Variants in RABGAP1 observed in about 807,000 individuals in gnomAD.
RABGAP1 encodes the protein rab GTPase-activating protein 1.
RABGAP1 carries 23 observed loss-of-function variants against 137.6 expected under a neutral mutation model. The ratio of observed to expected loss-of-function variants is 0.17; its 90% CI spans 0.12 to 0.24. RABGAP1 has a LOEUF of 0.24. Ranked by LOEUF, RABGAP1 falls within the 10% of genes least tolerant of loss-of-function variation. The pLI is 1.00. For synonymous variants in RABGAP1, 451 were observed against 450.7 expected (o/e 1.00, Z -0.01); for missense variants, 906 against 1,275.8 (o/e 0.71, Z 4.42).
rs2035404702 is a variant in RABGAP1, at chr9:123,103,582, A to AATAT, written c.*371_*374dup. ...TTTTTTTTCTAAACCTTTTTTTTTT[A>AATAT]ATATACATATATATATATATATATA... On this transcript the variant is annotated 3_prime_UTR_variant, in exon 26 of 26. Transcript: ENST00000373647. 5.2e-5 allele frequency: 2 copies of AATAT among 38,108 alleles called. No individual in the cohort carries two copies. The highest frequency in any genetic ancestry group is 1.0e-3 in the East Asian group (1 of 990). The allele number at this position is 38,108 out of a possible 1,614,324, so 2.4% of individuals were successfully genotyped here.
intron 23 of RABGAP1, among the ~76,000 whole-genome samples, chr9:123,099,015 C>G (rs2035266151): frequency 6.6e-6 from 1 of 152,104 alleles, no homozygotes; most frequent in South Asian, 2.1e-4. Flanking sequence ...TTTAAAAAGA[C>G]CATGTTTGTA....
intron 13 of RABGAP1, among the ~76,000 whole-genome samples, chr9:123,059,890 C>T (rs939480797): frequency 5.3e-5 from 8 of 152,242 alleles, no homozygotes; most frequent in Admixed American, 2.6e-4. Context: ...TAGCCCAAAG[C>T]GACTAAGACA....
In RABGAP1 at chr9:123,020,435, G is replaced by C. The variant is rs751132702; in HGVS notation, c.1770G>C (p.Glu590Asp). 2 of 1,600,938 alleles carry C rather than the reference G, an allele frequency of 1.2e-6. No individual in the cohort carries two copies. Among genetic ancestry groups the C allele is most frequent in the Non-Finnish European group, 1.7e-6 (2 of 1,173,308 alleles). ...AGCHNNDHLV[E>D]KYRILITKES... is the part of the protein sequence containing the mutation. ...GTCATAACAATGACCACCTGGTAGA[G>C]AAATACCGCATTCTTATCACAAAGG... Residue 590 changes from glutamate to aspartate, a missense_variant, in exon 13 of 26, where the codon GAG (glutamate) becomes GAC (aspartate). Glu to Asp is a conservative substitution (Grantham distance 45). Coordinates refer to ENST00000373647, the MANE Select transcript of RABGAP1 (RefSeq NM_012197.4).
At chr9:123,059,423 C>G (rs376102219) in intron 13 of RABGAP1, among the ~76,000 whole-genome samples, 285 of 152,110 alleles carry the variant, frequency 1.9e-3, no homozygotes, top group African/African-American at 6.1e-3. Context: ...GGCGTGGTGG[C>G]GGGCACCTGT....
chr9:122,996,963 A>G, intron 8 of RABGAP1: 1 of 542,968 alleles, frequency 1.8e-6, no homozygotes. Flanking sequence ...GAAAATCTTT[A>G]TTTTCAAAAC....
At chr9:122,940,110 T>G (rs979115765), upstream of RABGAP1, 2 of 151,948 alleles carry the variant, frequency 1.3e-5, no homozygotes, top group African/African-American at 4.8e-5. Flanking sequence ...GAGGGTGGAG[T>G]GTGATATGAT....
intron 7 of RABGAP1, 157 bp from the exon 8 acceptor site, chr9:122,996,382 C>A: frequency 9.3e-7 from 1 of 1,072,996 alleles, no homozygotes; most frequent in Non-Finnish European, 1.3e-6. Context: ...ATTAGCTGAC[C>A]TTGAAGGAAG....
chr9:122,959,364 CAAA>C (rs33932737), intron 2 of RABGAP1, among the ~76,000 whole-genome samples: 11 of 107,746 alleles, frequency 1.0e-4, no homozygotes, highest in African/African-American at 3.0e-4. Flanking sequence ...TGGGGCTTTA[CAAA>C]AAAAAAAAAA....
chr9:122,965,522 T>C (rs1490689448), intron 2 of RABGAP1, among the ~76,000 whole-genome samples: 1 of 152,188 alleles, frequency 6.6e-6, no homozygotes, highest in African/African-American at 2.4e-5. Flanking sequence ...TAGCTGGGAT[T>C]ACAGGCATGC....
At position 123,088,935 on chromosome 9, in the gene RABGAP1, A is replaced by C. The variant is rs79270587; in HGVS notation, c.2425-823A>C. 2.3e-4 allele frequency among the ~76,000 whole-genome samples: 35 copies of C among 152,318 alleles called. No homozygotes were observed. The East Asian group carries it at 6.8e-3, about 29-fold the overall frequency. ...AGACCACTGGACAGAGGAAAAAGAC[A>C]CCACTGGTGACCTTCAAGAGGGTTC... On this transcript the variant is annotated intron_variant, in intron 19 of 25. Transcript: ENST00000373647.
At chr9:122,935,788 T>C in the RABGAP1 span, among the ~76,000 whole-genome samples, 2 of 152,242 alleles carry the variant, frequency 1.3e-5, no homozygotes, top group Admixed American at 1.3e-4. Flanking sequence ...TTTGAGTTAC[T>C]ATTGAGTGTA....
chr9:123,020,503 A>T, intron 13 of RABGAP1, 44 bp downstream of exon 13: 2 of 1,431,972 alleles, frequency 1.4e-6, no homozygotes, highest in Non-Finnish European at 1.9e-6. Flanking sequence ...CCTTTTAGAG[A>T]TTTGTGATGA....
intron 13 of RABGAP1, among the ~76,000 whole-genome samples, chr9:123,057,366 T>C (rs1243225153): frequency 6.7e-6 from 1 of 150,308 alleles, no homozygotes; most frequent in Non-Finnish European, 1.5e-5. Context: ...GCTCCTCACC[T>C]CCCAGACGGG....
chr9:123,082,682 G>T (rs1483886597), intron 19 of RABGAP1, among the ~76,000 whole-genome samples: 1 of 151,212 alleles, frequency 6.6e-6, no homozygotes, highest in Non-Finnish European at 1.5e-5. Context: ...AAATGGAATT[G>T]CTGAACCATT....
chr9:122,936,576 C>T (rs1009387737), upstream of RABGAP1, among the ~76,000 whole-genome samples: 1 of 152,174 alleles, frequency 6.6e-6, no homozygotes, highest in African/African-American at 2.4e-5. Flanking sequence ...TATCCACATT[C>T]CTGGTGCGGC....
intron 13 of RABGAP1, among the ~76,000 whole-genome samples, chr9:123,042,806 G>A (rs940212208): frequency 2.6e-5 from 4 of 152,260 alleles, no homozygotes; most frequent in South Asian, 2.1e-4. Context: ...TGAAAGATAC[G>A]TGTTTTCATA....
intron 13 of RABGAP1, among the ~76,000 whole-genome samples, chr9:123,064,873 C>T (rs564106214): frequency 2.8e-4 from 42 of 152,192 alleles, no homozygotes; most frequent in Non-Finnish European, 4.4e-4. Flanking sequence ...ATTCTTATGC[C>T]ATTTGCCTCT....
intron 7 of RABGAP1, 68 bp from the exon 8 acceptor site, chr9:122,996,471 G>A: frequency 8.4e-6 from 12 of 1,421,474 alleles, no homozygotes; most frequent in Non-Finnish European, 1.1e-5. Flanking sequence ...TGTTTTTAAA[G>A]TGGCCTAATT....
At chr9:123,018,243 T>G (rs946082164) in intron 12 of RABGAP1, among the ~76,000 whole-genome samples, 1 of 152,174 alleles carries the variant, frequency 6.6e-6, no homozygotes, top group African/African-American at 2.4e-5. Context: ...ACAAGTTCAT[T>G]TTAATATGAC....
Sources: allele counts gnomAD v4.1 joint callset (sites outside exome capture counted in the v4.1 genomes callset), GRCh38; gene constraint gnomAD v4.1.1; transcripts MANE v1.5; gene names NCBI Gene and HGNC (gene_info 2026-07-23, HGNC 2026-07-21).